The following MS4A18 variants were observed in gnomAD, a reference collection of about 807,000 sequenced individuals.
MS4A18 encodes the protein membrane-spanning 4-domains subfamily A member 18.
In MS4A18, 27 loss-of-function variants were observed where a neutral mutation model predicts 13.1. The observed-to-expected ratio is 2.06, with a 90% CI of 1.52 to 2.84. The LOEUF (loss-of-function observed/expected upper bound fraction) is 2.84. Among genes scored for constraint, MS4A18 ranks in the 30% most tolerant of loss-of-function variants. The pLI, the probability that MS4A18 is intolerant of heterozygous loss-of-function variation, is 0.00. For missense variants in MS4A18, 307 were observed against 196.4 expected (o/e 1.56, Z -3.37); for synonymous variants, 126 against 76.5 (o/e 1.65, Z -3.38).
rs7121826 is a variant in MS4A18, at chr11:60,741,148, G to A, written c.858+5G>A. On this transcript the variant is annotated splice_donor_5th_base_variant and intron_variant, in intron 5 of 5. Coordinates refer to ENST00000529108, the Ensembl canonical transcript of MS4A18. ...ACCTGCTGCAGACAATTTGAGGTAA[G>A]CATTGGACTCTGTTCCAGGAATCAG... 0.011 allele frequency: 7,853 copies of A among 703,006 alleles called. 400 individuals carry two copies. The African/African-American group carries it at 0.11, about 10-fold the overall frequency. 43.5% of individuals were successfully genotyped at this position (703,006 alleles called of 1,614,324 possible). A position where few individuals can be genotyped will look rare whatever the true frequency, so the allele number is the denominator to read the frequency against.
At chr11:60,730,357 G>T (rs985584684) in intron 1 of MS4A18, among the ~76,000 whole-genome samples, 22 of 152,184 alleles carry the variant, frequency 1.4e-4, no homozygotes, top group Admixed American at 2.0e-4. Flanking sequence ...CAGATGCCTG[G>T]CTGGATCTGG....
At chr11:60,740,970 A>G in intron 4 of MS4A18, 60 bp from the exon 6 acceptor site, 1 of 701,962 alleles carries the variant, frequency 1.4e-6, no homozygotes, top group Non-Finnish European at 2.6e-6. Context: ...CCAAATGTGG[A>G]CTGTCACCTA....
intron 2 of MS4A18, among the ~76,000 whole-genome samples, chr11:60,735,979 T>C (rs1029584198): frequency 1.3e-5 from 2 of 152,168 alleles, no homozygotes; most frequent in Non-Finnish European, 2.9e-5. Flanking sequence ...CTTTTCTTTA[T>C]GGTCCGATCA....
intron 3 of MS4A18, among the ~76,000 whole-genome samples, chr11:60,737,700 C>T (rs1346598253): frequency 7.2e-5 from 11 of 152,156 alleles, no homozygotes. Context: ...CACAATGGCC[C>T]TTCTCTCATC....
chr11:60,729,938 C>T (rs1180811954), intron 1 of MS4A18, 152 bp downstream of exon 2: 1 of 594,740 alleles, frequency 1.7e-6, no homozygotes, highest in African/African-American at 1.9e-5. Context: ...AGTACAATCA[C>T]CCAGATGCTG....
At chr11:60,726,884 C>A (rs1172918457), upstream of MS4A18, among the ~76,000 whole-genome samples, 1 of 151,730 alleles carries the variant, frequency 6.6e-6, no homozygotes, top group Non-Finnish European at 1.5e-5. Flanking sequence ...AGGTTTTAAG[C>A]CCCACATGCA....
intron 2 of MS4A18, 146 bp from the exon 4 acceptor site, chr11:60,736,832 T>C (rs1853347155): frequency 4.9e-6 from 3 of 613,762 alleles, no homozygotes; most frequent in Non-Finnish European, 8.6e-6. Context: ...GTAAAAATGT[T>C]GGGAGGAAAT....
chr11:60,724,878 G>T (rs1853123459), upstream of MS4A18, among the ~76,000 whole-genome samples: 1 of 152,284 alleles, frequency 6.6e-6, no homozygotes, highest in South Asian at 2.1e-4. Context: ...CGGTCCCTCG[G>T]AAGTGTCTCT....
At position 60,738,822 on chromosome 11, in the gene MS4A18, G is replaced by T. The variant is rs1165727368; in HGVS notation, c.649-80G>T. The stretch of plus-strand genomic sequence containing the variant: ...TTCTGCCCTGCCTTCTCTCTTCTCC[G>T]ACTTCCCAAGAGTCCCCACAAGCCA... On this transcript the variant is annotated intron_variant, in intron 3 of 5. Transcript: ENST00000529108. The T allele has an allele frequency of 1.5e-5, 10 of 662,642 alleles. No homozygotes were observed. In the Admixed American group the frequency reaches 1.8e-4, roughly 12 times the overall value. The allele number at this position is 662,642 out of a possible 1,614,324, so 41.0% of individuals were successfully genotyped here.
chr11:60,738,719 A>G (rs1417864434), intron 3 of MS4A18, among the ~76,000 whole-genome samples, 183 bp from the exon 5 acceptor site: 2 of 143,242 alleles, frequency 1.4e-5, no homozygotes, highest in Non-Finnish European at 3.1e-5. Flanking sequence ...AATAAAAGTT[A>G]AAAAAAAAAA....
chr11:60,741,854 A>G (rs1853418711), intron 5 of MS4A18, among the ~76,000 whole-genome samples: 1 of 152,238 alleles, frequency 6.6e-6, no homozygotes, highest in African/African-American at 2.4e-5. Flanking sequence ...GATCCAAATC[A>G]GATCTAGATG....
chr11:60,728,880 T>C (rs1453937269), upstream of MS4A18, among the ~76,000 whole-genome samples: 2 of 152,088 alleles, frequency 1.3e-5, no homozygotes, highest in African/African-American at 2.4e-5. Flanking sequence ...AGTCCTTGGG[T>C]CCAGTTCCAA....
chr11:60,735,547 C>T (rs563725695), intron 2 of MS4A18, among the ~76,000 whole-genome samples: 1 of 130,102 alleles, frequency 7.7e-6, no homozygotes, highest in Non-Finnish European at 1.6e-5. Flanking sequence ...GACAGGGTTT[C>T]ACCGTGGTCT....
intron 5 of MS4A18, among the ~76,000 whole-genome samples, chr11:60,741,740 T>C (rs73492923): frequency 2.0e-5 from 3 of 152,328 alleles, no homozygotes; most frequent in African/African-American, 7.2e-5. Flanking sequence ...CTCTTTCCTC[T>C]GGCCACAAAT....
chr11:60,741,205 C>A, intron 5 of MS4A18, 62 bp downstream of exon 6: 2 of 702,160 alleles, frequency 2.8e-6, no homozygotes, highest in Non-Finnish European at 5.2e-6. Context: ...TGGGCTATAG[C>A]AAGAGGTAAC....
chr11:60,733,461 G>A, intron 1 of MS4A18, 73 bp from the exon 3 acceptor site: 1 of 700,434 alleles, frequency 1.4e-6, no homozygotes, highest in East Asian at 2.7e-5. Flanking sequence ...GGCACAGCCA[G>A]GGTGCAAAGC....
At chr11:60,738,687 G>T (rs79685110) in intron 3 of MS4A18, among the ~76,000 whole-genome samples, 1 of 151,488 alleles carries the variant, frequency 6.6e-6, no homozygotes, top group East Asian at 1.9e-4. Context: ...AGACAAACCT[G>T]GACTTGTACC....
chr11:60,740,961 CA>C, intron 4 of MS4A18, 68 bp from the exon 6 acceptor site: 1 of 700,914 alleles, frequency 1.4e-6, no homozygotes, highest in South Asian at 1.5e-5. Flanking sequence ...TGTGGCACTC[CA>C]AATGTGGACT....
chr11:60,729,321 C>A (rs1003742138), exon 1 of MS4A18: 9 of 701,800 alleles, frequency 1.3e-5, no homozygotes, highest in Non-Finnish European at 1.6e-5. Flanking sequence ...ACACCATGAC[C>A]GAACAGGTGA....
Sources: gnomAD v4.1 joint callset for allele counts (sites outside exome capture counted in the v4.1 genomes callset) on GRCh38, gnomAD v4.1.1 for gene constraint, MANE v1.5 for transcripts, NCBI Gene and HGNC (gene_info 2026-07-23, HGNC 2026-07-21) for gene names.